DLC1: variants seen among roughly 807,000 people sequenced by gnomAD.
DLC1 encodes DLC1 Rho GTPase activating protein.
DLC1 carries 54 observed loss-of-function variants against 140.3 expected under a neutral mutation model. The observed-to-expected ratio is 0.38, with a 90% CI of 0.31 to 0.48. The LOEUF (loss-of-function observed/expected upper bound fraction) is 0.48, where lower values mean the gene tolerates loss of function less well. Among genes scored for constraint, DLC1 ranks in the 20% least tolerant of loss-of-function variants. The pLI is 0.96. For missense variants in DLC1, 2,536 were observed against 1,907.0 expected (o/e 1.33, Z -6.14); for synonymous variants, 986 against 728.1 (o/e 1.35, Z -5.70).
At chr8:13,276,433 G>A in intron 5 of DLC1, 1 of 1,428,814 alleles carries the variant, frequency 7.0e-7, no homozygotes, top group Non-Finnish European at 9.1e-7. Flanking sequence ...CAGCCCGGGC[G>A]CCGCGACCAT....
chr8:13,113,407 C>G (rs929154717), intron 6 of DLC1, among the ~76,000 whole-genome samples: 1 of 152,168 alleles, frequency 6.6e-6, no homozygotes, highest in Admixed American at 6.5e-5. Flanking sequence ...TAGTCTTATG[C>G]TTCAAAAGAC....
chr8:13,521,159 C>G (rs751956436), intron 1 of DLC1, among the ~76,000 whole-genome samples: 2 of 151,968 alleles, frequency 1.3e-5, no homozygotes, highest in Admixed American at 6.6e-5. Context: ...AAACAGGAAA[C>G]CAAACACTGC....
chr8:13,198,132 A>G (rs964224016), intron 5 of DLC1, among the ~76,000 whole-genome samples: 2 of 152,174 alleles, frequency 1.3e-5, no homozygotes, highest in Non-Finnish European at 1.5e-5. Flanking sequence ...TCAATTTTAG[A>G]TTGAAGAAAT....
chr8:13,222,241 A>G (rs1379867146), intron 5 of DLC1, among the ~76,000 whole-genome samples: 3 of 152,018 alleles, frequency 2.0e-5, no homozygotes, highest in African/African-American at 4.8e-5. Flanking sequence ...TTTTGCTATC[A>G]TAAGTGAGAA....
At chr8:13,555,660 ATT>A (rs551600787) in intron 1 of DLC1, among the ~76,000 whole-genome samples, 1 of 140,352 alleles carries the variant, frequency 7.1e-6, no homozygotes, top group African/African-American at 2.6e-5. Context: ...CCTAGCTATT[ATT>A]TTTTTTTTTT....
chr8:13,439,054 C>A (rs1839244503), intron 2 of DLC1, among the ~76,000 whole-genome samples: 1 of 152,106 alleles, frequency 6.6e-6, no homozygotes, highest in Non-Finnish European at 1.5e-5. Flanking sequence ...AGGCCGAGCA[C>A]AGTGGCTCAT....
intron 5 of DLC1, among the ~76,000 whole-genome samples, chr8:13,137,003 A>G (rs1160644614): frequency 6.6e-6 from 1 of 152,240 alleles, no homozygotes. Context: ...ATAACCATTT[A>G]TTAATGTTAG....
chr8:13,268,716 G>A (rs1830791145), intron 5 of DLC1, among the ~76,000 whole-genome samples: 1 of 151,810 alleles, frequency 6.6e-6, no homozygotes, highest in Non-Finnish European at 1.5e-5. Context: ...TGGCTCTATG[G>A]GGGCATCCAG....
chr8:13,299,478 CTT>C (rs36119138), intron 5 of DLC1, among the ~76,000 whole-genome samples: 84 of 114,570 alleles, frequency 7.3e-4, no homozygotes, highest in Non-Finnish European at 1.1e-3. Context: ...AGCTCCTCAT[CTT>C]TTTTTTTTTT....
intron 1 of DLC1, among the ~76,000 whole-genome samples, chr8:13,530,948 A>G (rs764871526): frequency 6.6e-6 from 1 of 152,154 alleles, no homozygotes; most frequent in Non-Finnish European, 1.5e-5. Context: ...TTAATCCCCA[A>G]TGTGATGGTA....
chr8:13,101,802 T>C (rs1404633496), intron 8 of DLC1, among the ~76,000 whole-genome samples: 1 of 152,196 alleles, frequency 6.6e-6, no homozygotes, highest in Non-Finnish European at 1.5e-5. Context: ...GGAACGTCTT[T>C]GCTGATTATG....
intron 5 of DLC1, among the ~76,000 whole-genome samples, chr8:13,188,844 T>TATATATATGTATATATATATA (rs1491498157): frequency 7.7e-5 from 2 of 25,832 alleles, no homozygotes; most frequent in Admixed American, 5.6e-4. Flanking sequence ...TATATATATA[T>TATATATATGTATATATATATA]TTTTTTTTTT....
At chr8:13,403,813 T>TG (rs902494562) in intron 2 of DLC1, among the ~76,000 whole-genome samples, 2 of 148,520 alleles carry the variant, frequency 1.3e-5, no homozygotes, top group South Asian at 2.2e-4. Context: ...GGCTGTTTTT[T>TG]TTTTTTTTTT....
chr8:13,170,719 G>A (rs1456541552), intron 5 of DLC1, among the ~76,000 whole-genome samples: 3 of 123,172 alleles, frequency 2.4e-5, no homozygotes, highest in South Asian at 5.4e-4. Context: ...GACAGAGCAA[G>A]ACTCCATCTC....
At chr8:13,467,276 C>G (rs72603972) in intron 2 of DLC1, among the ~76,000 whole-genome samples, 2 of 152,024 alleles carry the variant, frequency 1.3e-5, no homozygotes, top group Non-Finnish European at 2.9e-5. Flanking sequence ...TTTCACCTGC[C>G]CCGTTGGAAT....
rs879446332 is a variant in DLC1 at position 13,196,130 on chromosome 8, G to A, written c.1349-80473C>T. Among the ~76,000 whole-genome samples, 609 of 102,736 alleles carry A rather than the reference G, an allele frequency of 5.9e-3. 9 individuals are homozygous for A. The highest frequency in any genetic ancestry group is 0.025 in the East Asian group (54 of 2,192). The allele number at this position is 102,736 out of a possible 152,430, so 67.4% of individuals were successfully genotyped here. A position where few individuals can be genotyped will look rare whatever the true frequency, so the allele number is the denominator to read the frequency against. On this transcript the variant is annotated intron_variant, in intron 5 of 17. Coordinates refer to ENST00000276297, the MANE Select transcript of DLC1 (RefSeq NM_182643.3). ...CACACACACACACACACACACACAC[G>A]TGAACTCGAAGAAATATCAACACAT...
chr8:13,085,844 C>T lies in DLC1; in HGVS notation c.4554G>A (p.Gln1518=), dbSNP rs1425782466. The T allele has an allele frequency of 1.2e-6, 2 of 1,614,158 alleles. No individual in the cohort carries two copies. The highest frequency in any genetic ancestry group is 1.7e-6 in the Non-Finnish European group (2 of 1,180,018). The change falls in exon 18 of 18, where the codon CAG becomes CAA. Residue 1518 remains glutamine (Q), a synonymous_variant. Transcript: ENST00000276297. ...VVKIRDSFSN[Q]NTETKDTKSR is the part of the protein sequence containing the mutation. Reference sequence around the variant, plus strand: ...ATTTGGTGTCTTTGGTTTCAGTGTTCTGGTTACTGAAGGAATCCCGGATCT... The same window carrying T: ...ATTTGGTGTCTTTGGTTTCAGTGTTTTGGTTACTGAAGGAATCCCGGATCT...
At chr8:13,203,818 GA>G (rs978153090) in intron 5 of DLC1, among the ~76,000 whole-genome samples, 7 of 152,132 alleles carry the variant, frequency 4.6e-5, no homozygotes, top group Non-Finnish European at 8.8e-5. Flanking sequence ...AGAATGGATG[GA>G]AAATACCATG....
chr8:13,511,576 C>A (rs1370678838), intron 1 of DLC1, among the ~76,000 whole-genome samples: 1 of 152,226 alleles, frequency 6.6e-6, no homozygotes, highest in South Asian at 2.1e-4. Context: ...AATCAAGAGT[C>A]ATTCTTCTCT....
Sources: gnomAD v4.1 joint callset for allele counts (sites outside exome capture counted in the v4.1 genomes callset) on GRCh38, gnomAD v4.1.1 for gene constraint, MANE v1.5 for transcripts, NCBI Gene and HGNC (gene_info 2026-07-23, HGNC 2026-07-21) for gene names.